Variants in LHFPL3 observed in about 807,000 individuals in gnomAD.
LHFPL3 encodes LHFPL tetraspan subfamily member 3.
A neutral mutation model predicts 19.3 loss-of-function variants in LHFPL3; 5 were observed. The ratio of observed to expected loss-of-function variants is 0.26; its 90% confidence interval spans 0.14 to 0.54. The LOEUF (loss-of-function observed/expected upper bound fraction) is 0.54, where lower values mean the gene tolerates loss of function less well. Among genes scored for constraint, LHFPL3 ranks in the 20% least tolerant of loss-of-function variants. The pLI, the probability that LHFPL3 is intolerant of heterozygous loss-of-function variation, is 0.94. For synonymous variants in LHFPL3, 133 were observed against 126.2 expected (o/e 1.05, Z -0.36); for missense variants, 249 against 307.4 (o/e 0.81, Z 1.42).
intron 1 of LHFPL3, among the ~76,000 whole-genome samples, chr7:104,549,897 G>T (rs940051763): frequency 6.6e-6 from 1 of 152,088 alleles, no homozygotes; most frequent in Non-Finnish European, 1.5e-5. Flanking sequence ...AAAAGGTACA[G>T]CAGAGGCCAA....
At chr7:104,487,934 C>A (rs999879660) in intron 1 of LHFPL3, among the ~76,000 whole-genome samples, 1 of 152,154 alleles carries the variant, frequency 6.6e-6, no homozygotes, top group Non-Finnish European at 1.5e-5. Context: ...AAACTTGGGG[C>A]TCTCTTTTTG....
intron 1 of LHFPL3, among the ~76,000 whole-genome samples, chr7:104,641,649 G>A (rs1401121724): frequency 6.6e-6 from 1 of 152,144 alleles, no homozygotes; most frequent in Non-Finnish European, 1.5e-5. Flanking sequence ...GATGCGCTCT[G>A]GCCTGTGGTT....
intron 2 of LHFPL3, among the ~76,000 whole-genome samples, chr7:104,820,133 A>G (rs1461668684): frequency 6.6e-6 from 1 of 152,198 alleles, no homozygotes; most frequent in Non-Finnish European, 1.5e-5. Flanking sequence ...GTTATATCTG[A>G]AAATTGGAAA....
At chr7:104,612,662 C>T (rs1478810176) in intron 1 of LHFPL3, among the ~76,000 whole-genome samples, 1 of 152,186 alleles carries the variant, frequency 6.6e-6, no homozygotes, top group African/African-American at 2.4e-5. Context: ...GCTCTGAAGA[C>T]ACCGGTGCTG....
At chr7:104,696,210 G>A (rs893261038) in intron 1 of LHFPL3, among the ~76,000 whole-genome samples, 7 of 152,128 alleles carry the variant, frequency 4.6e-5, no homozygotes, top group Non-Finnish European at 8.8e-5. Flanking sequence ...TCAGCCTCCC[G>A]GAGTGCTGGG....
intron 1 of LHFPL3, among the ~76,000 whole-genome samples, chr7:104,596,473 C>A (rs1349668557): frequency 6.6e-6 from 1 of 152,186 alleles, no homozygotes; most frequent in East Asian, 1.9e-4. Flanking sequence ...TAAGTGGTCA[C>A]TTTTTCAGCT....
At chr7:104,780,789 C>T (rs76250001) in intron 2 of LHFPL3, among the ~76,000 whole-genome samples, 12,724 of 152,224 alleles carry the variant, frequency 0.084, 583 homozygotes, top group South Asian at 0.11. Context: ...AATTTCAATG[C>T]CTTCTTCTCC....
At chr7:104,479,065 G>C (rs1446075716) in intron 1 of LHFPL3, among the ~76,000 whole-genome samples, 1 of 152,166 alleles carries the variant, frequency 6.6e-6, no homozygotes, top group African/African-American at 2.4e-5. Flanking sequence ...TGCTGGGGTT[G>C]ACTGAGGCTG....
At chr7:104,666,267 T>C (rs1048328571) in intron 1 of LHFPL3, among the ~76,000 whole-genome samples, 4 of 151,946 alleles carry the variant, frequency 2.6e-5, no homozygotes, top group Non-Finnish European at 5.9e-5. Flanking sequence ...ACTTATTCCT[T>C]CTATCTAACT....
chr7:104,795,162 G>A (rs1037474630), intron 2 of LHFPL3, among the ~76,000 whole-genome samples: 12 of 152,094 alleles, frequency 7.9e-5, no homozygotes, highest in South Asian at 2.1e-4. Flanking sequence ...ATGGCCATTC[G>A]TCTTCTGAAT....
At chr7:104,631,953 G>T (rs1366821195) in intron 1 of LHFPL3, among the ~76,000 whole-genome samples, 3 of 152,110 alleles carry the variant, frequency 2.0e-5, no homozygotes, top group Non-Finnish European at 4.4e-5. Flanking sequence ...TAAGAAGGAG[G>T]TTCTCCACAT....
chr7:104,668,786 G>A, intron 1 of LHFPL3: 1 of 1,609,278 alleles, frequency 6.2e-7, no homozygotes, highest in Non-Finnish European at 8.5e-7. Flanking sequence ...TGATTCCTCT[G>A]CTAGTAACTC....
intron 1 of LHFPL3, among the ~76,000 whole-genome samples, chr7:104,567,697 G>A (rs1337863702): frequency 6.6e-6 from 1 of 152,144 alleles, no homozygotes; most frequent in African/African-American, 2.4e-5. Flanking sequence ...TTGAGGAAAG[G>A]GGACTTCTTT....
intron 1 of LHFPL3, among the ~76,000 whole-genome samples, chr7:104,485,184 C>G (rs1189779366): frequency 1.3e-5 from 2 of 152,056 alleles, no homozygotes; most frequent in Non-Finnish European, 2.9e-5. Context: ...TTCTCATCCT[C>G]TCATTTCCTA....
chr7:104,473,094 T>G (rs1418785750), intron 1 of LHFPL3, among the ~76,000 whole-genome samples: 1 of 152,232 alleles, frequency 6.6e-6, no homozygotes. Flanking sequence ...AATGGAGAAC[T>G]GTTTTCAAAC....
intron 1 of LHFPL3, among the ~76,000 whole-genome samples, chr7:104,374,799 G>A (rs1790678533): frequency 6.6e-6 from 1 of 152,152 alleles, no homozygotes. Flanking sequence ...CAGAGTGTAA[G>A]CTTTTTAGGG....
At chr7:104,632,040 T>A (rs1328058735) in intron 1 of LHFPL3, among the ~76,000 whole-genome samples, 3 of 152,106 alleles carry the variant, frequency 2.0e-5, no homozygotes, top group African/African-American at 7.2e-5. Flanking sequence ...TGGGACAGAT[T>A]TCTTTGGGCT....
At chr7:104,657,971 A>G (rs972917418) in intron 1 of LHFPL3, among the ~76,000 whole-genome samples, 1 of 152,070 alleles carries the variant, frequency 6.6e-6, no homozygotes, top group African/African-American at 2.4e-5. Context: ...GTATTTTTCC[A>G]TAGATACCAG....
intron 1 of LHFPL3, among the ~76,000 whole-genome samples, chr7:104,412,719 C>T (rs1341882174): frequency 1.3e-5 from 2 of 152,096 alleles, no homozygotes; most frequent in East Asian, 3.9e-4. Flanking sequence ...GAAAGAGAAT[C>T]TCCATTTTAT....
Sources: gnomAD v4.1 joint callset for allele counts (sites outside exome capture counted in the v4.1 genomes callset) on GRCh38, gnomAD v4.1.1 for gene constraint, MANE v1.5 for transcripts, NCBI Gene and HGNC (gene_info 2026-07-23, HGNC 2026-07-21) for gene names.